The following SMPD3 variants were observed in gnomAD, a reference collection of about 807,000 sequenced individuals.
SMPD3 encodes the protein sphingomyelin phosphodiesterase 3, also known as nSMase-2.
A neutral mutation model predicts 55.7 loss-of-function variants in SMPD3; 21 were observed. The observed-to-expected ratio is 0.38, with a 90% CI of 0.27 to 0.54. The LOEUF (loss-of-function observed/expected upper bound fraction) is 0.54, where lower values mean the gene tolerates loss of function less well. Among genes scored for constraint, SMPD3 ranks in the 20% least tolerant of loss-of-function variants. SMPD3 has a pLI of 0.80. For missense variants in SMPD3, 842 were observed against 899.6 expected, an observed-to-expected ratio of 0.94 and a Z score of 0.82; for synonymous variants, 457 against 404.3, an observed-to-expected ratio of 1.13 and a Z score of -1.56.
At chr16:68,380,849 G>A (rs1016827362) in intron 2 of SMPD3, among the ~76,000 whole-genome samples, 4 of 152,182 alleles carry the variant, frequency 2.6e-5, no homozygotes, top group South Asian at 2.1e-4. Context: ...ACCCTGTGTC[G>A]GCTGCATTTC....
chr16:68,404,580 G>A lies in SMPD3; in HGVS notation c.-268-17921C>T, dbSNP rs72792246. On this transcript the variant is annotated intron_variant, in intron 1 of 8. Transcript: ENST00000219334. The surrounding 1 kb of genome is among the most constrained non-coding windows in gnomAD (Gnocchi z 4.0). Reference sequence around the variant, plus strand: ...AGGAGGTGGGGTGTGAGGAGGGGCTGGCAAGCAACCTTTAGAAGCAGGTCT... The same window carrying A: ...AGGAGGTGGGGTGTGAGGAGGGGCTAGCAAGCAACCTTTAGAAGCAGGTCT... Among the ~76,000 whole-genome samples the A allele has an allele frequency of 1.6e-4, 25 of 152,284 alleles. No individual in the cohort carries two copies. Among genetic ancestry groups the A allele is most frequent in the Non-Finnish European group, 3.4e-4 (23 of 68,028 alleles).
chr16:68,365,262 C>G (rs566288477), intron 3 of SMPD3, among the ~76,000 whole-genome samples, 170 bp from the exon 4 acceptor site: 1 of 152,148 alleles, frequency 6.6e-6, no homozygotes, highest in African/African-American at 2.4e-5. Context: ...TAGGGACTTA[C>G]GGATCTGGGC....
At chr16:68,393,746 C>A (rs1408892210) in intron 1 of SMPD3, among the ~76,000 whole-genome samples, 2 of 152,140 alleles carry the variant, frequency 1.3e-5, no homozygotes, top group African/African-American at 4.8e-5. Context: ...TATAAGATAG[C>A]TTTTGTCTTT....
intron 1 of SMPD3, among the ~76,000 whole-genome samples, chr16:68,440,654 G>C (rs2090558623): frequency 6.6e-6 from 1 of 152,228 alleles, no homozygotes; most frequent in Admixed American, 6.5e-5. Flanking sequence ...ACCTGCAACA[G>C]AGTTGGTACT....
intron 1 of SMPD3, among the ~76,000 whole-genome samples, chr16:68,433,096 GC>G (rs1393423635): frequency 2.0e-5 from 3 of 152,198 alleles, no homozygotes; most frequent in Non-Finnish European, 4.4e-5. Flanking sequence ...GAGCCACCAT[GC>G]CCGGCTGTTG....
intron 1 of SMPD3, among the ~76,000 whole-genome samples, chr16:68,398,460 G>A (rs1431691579): frequency 6.6e-6 from 1 of 152,146 alleles, no homozygotes; most frequent in African/African-American, 2.4e-5. Flanking sequence ...TGAGCCCCGA[G>A]GAGGATCCTG....
At chr16:68,393,950 T>G (rs1462631094) in intron 1 of SMPD3, among the ~76,000 whole-genome samples, 1 of 152,202 alleles carries the variant, frequency 6.6e-6, no homozygotes, top group Non-Finnish European at 1.5e-5. Flanking sequence ...CATTTTGTCT[T>G]TAATATTTGT....
intron 5 of SMPD3, chr16:68,364,370 T>A (rs1390325302): frequency 8.3e-6 from 2 of 241,712 alleles, no homozygotes; most frequent in Non-Finnish European, 1.6e-5. Context: ...CGTGGAGACA[T>A]GCAATGCTTC....
chr16:68,390,069 G>T (rs1259908392), intron 1 of SMPD3, among the ~76,000 whole-genome samples: 4 of 152,306 alleles, frequency 2.6e-5, no homozygotes, highest in Non-Finnish European at 5.9e-5. Flanking sequence ...CAGGAAGGGG[G>T]TGGGCAATTC....
chr16:68,370,442 A>G (rs900379958), intron 3 of SMPD3, among the ~76,000 whole-genome samples: 1 of 152,076 alleles, frequency 6.6e-6, no homozygotes, highest in African/African-American at 2.4e-5. Flanking sequence ...ATGAACCGAC[A>G]GGGCCCCTAC....
chr16:68,423,423 G>A (rs1049632194), intron 1 of SMPD3, among the ~76,000 whole-genome samples: 4 of 152,158 alleles, frequency 2.6e-5, no homozygotes, highest in Non-Finnish European at 4.4e-5. Context: ...GGGGATCCAT[G>A]ATGGGGCTGG....
intron 1 of SMPD3, among the ~76,000 whole-genome samples, chr16:68,407,775 G>T (rs1283231008): frequency 6.6e-6 from 1 of 152,086 alleles, no homozygotes; most frequent in Non-Finnish European, 1.5e-5. Context: ...GCTGGTGTGC[G>T]AACTCTTAAC....
rs2089081452 is a variant in SMPD3 at position 68,359,254 on chromosome 16, C to T, written c.*1952G>A. 1 of 152,558 alleles carries T rather than the reference C, an allele frequency of 6.6e-6. No homozygotes were observed. Among genetic ancestry groups the T allele is most frequent in the Non-Finnish European group, 1.5e-5 (1 of 68,272 alleles). 9.5% of individuals were successfully genotyped at this position (152,558 alleles called of 1,614,324 possible). On this transcript the variant is annotated 3_prime_UTR_variant, in exon 9 of 9. Transcript: ENST00000219334. ...GTCGCTTGTGTGAGCAGAGTACCAG[C>T]TGCTTCTGGAAGTTGGGGGCCTCCA...
intron 8 of SMPD3, 34 bp downstream of exon 8, chr16:68,361,569 G>A: frequency 1.2e-6 from 2 of 1,601,628 alleles, no homozygotes; most frequent in Non-Finnish European, 8.5e-7. Context: ...CTCTCTCTTT[G>A]CATGGCCCTG....
At position 68,447,107 on chromosome 16, in the gene SMPD3, G is replaced by C. The variant is rs948943246; in HGVS notation, c.-269+1246C>G. 5.9e-5 allele frequency among the ~76,000 whole-genome samples: 9 copies of C among 151,728 alleles called. No individual in the cohort carries two copies. The highest frequency in any genetic ancestry group is 2.2e-4 in the African/African-American group (9 of 41,332). ...CCCCCCCTCCGCGGCCGCGCCCCCC[G>C]CCCAGCCCGCGGCGCAGGCCTGCCA... On this transcript the variant is annotated intron_variant, in intron 1 of 8. Coordinates refer to ENST00000219334, the MANE Select transcript of SMPD3 (RefSeq NM_018667.4). This position sits in a 1 kb window ranked among gnomAD's most constrained non-coding sequence, Gnocchi z 5.1.
intron 7 of SMPD3, among the ~76,000 whole-genome samples, chr16:68,361,972 G>A (rs928640935): frequency 1.3e-5 from 2 of 152,170 alleles, no homozygotes; most frequent in Admixed American, 6.5e-5. Flanking sequence ...TCTGGGCTCC[G>A]GAGCCCGTCG....
At position 68,371,667 on chromosome 16, in the gene SMPD3, T is replaced by G. The variant is rs1597606594; in HGVS notation, c.515A>C (p.Asp172Ala). The stretch of plus-strand genomic sequence containing the variant: ...GCTGATGGAGGTATTGGTGGGGGAG[T>G]CGATGTAAATTTTGATCTGGGGCCG... ...AARPQIKIYI[D>A]SPTNTSISAA... Residue 172 changes from aspartate to alanine, a missense_variant, in exon 3 of 9, where the codon GAC becomes GCC. Physicochemically the swap from Asp to Ala is moderately radical, Grantham distance 126. Coordinates refer to ENST00000219334, the MANE Select transcript of SMPD3 (RefSeq NM_018667.4). 6.4e-7 allele frequency: 1 copy of G among 1,561,984 alleles called. No homozygotes were observed. Among genetic ancestry groups the G allele is most frequent in the Non-Finnish European group, 8.7e-7 (1 of 1,154,050 alleles).
In SMPD3 at chr16:68,359,528, G is replaced by A. The variant is rs922074247; in HGVS notation, c.*1678C>T. 10 of 152,796 alleles carry A rather than the reference G, an allele frequency of 6.5e-5. No individual in the cohort carries two copies. The highest frequency in any genetic ancestry group is 1.2e-4 in the Non-Finnish European group (8 of 68,106). 9.5% of individuals were successfully genotyped at this position (152,796 alleles called of 1,614,324 possible). A position where few individuals can be genotyped will look rare whatever the true frequency, so the allele number is the denominator to read the frequency against. On this transcript the variant is annotated 3_prime_UTR_variant, in exon 9 of 9. Transcript: ENST00000219334. Reference sequence around the variant, plus strand: ...GTTGTCTGCCCCAGCACAGGGCCAGGCATCTGGCTGGCTGCGTGGCCCCCT... The same window carrying A: ...GTTGTCTGCCCCAGCACAGGGCCAGACATCTGGCTGGCTGCGTGGCCCCCT...
intron 1 of SMPD3, among the ~76,000 whole-genome samples, chr16:68,446,189 G>A (rs1162354652): frequency 6.6e-6 from 1 of 152,180 alleles, no homozygotes. Flanking sequence ...GCCTATTACA[G>A]TAGGATAAAG....
Sources: gnomAD v4.1 joint callset for allele counts (sites outside exome capture counted in the v4.1 genomes callset) on GRCh38, gnomAD v4.1.1 for gene constraint, Gnocchi (gnomAD v3.1) non-coding constraint, MANE v1.5 for transcripts, NCBI Gene and HGNC (gene_info 2026-07-23, HGNC 2026-07-21) for gene names.